Variants in SNX32 observed in about 807,000 individuals in gnomAD.
SNX32 encodes the protein sorting nexin 32.
A neutral mutation model predicts 57.0 loss-of-function variants in SNX32; 58 were observed. That is an observed-to-expected ratio of 1.02 (90% confidence interval 0.82 to 1.27). The LOEUF (loss-of-function observed/expected upper bound fraction) is 1.27. Ranked by LOEUF, SNX32 falls within the 50% of genes most tolerant of loss-of-function variation. The pLI, the probability that SNX32 is intolerant of heterozygous loss-of-function variation, is 0.00. For missense variants in SNX32, 589 were observed against 541.2 expected (o/e 1.09, Z -0.88); for synonymous variants, 262 against 220.4 (o/e 1.19, Z -1.67).
At chr11:65,840,295 C>A (rs1445485662) in intron 1 of SNX32, among the ~76,000 whole-genome samples, 1 of 151,768 alleles carries the variant, frequency 6.6e-6, no homozygotes, top group Non-Finnish European at 1.5e-5. Flanking sequence ...ATTAAGATAC[C>A]CTTGATTAAA....
chr11:65,844,497 C>A (rs187079014), intron 1 of SNX32, among the ~76,000 whole-genome samples: 13 of 151,814 alleles, frequency 8.6e-5, no homozygotes. Context: ...GACTCTGTGG[C>A]AAAGATGTAG....
At chr11:65,841,322 G>A (rs1279097419) in intron 1 of SNX32, among the ~76,000 whole-genome samples, 2 of 150,180 alleles carry the variant, frequency 1.3e-5, no homozygotes, top group African/African-American at 4.9e-5. Context: ...CAGCAGCCTC[G>A]ACCTTCTGGG....
chr11:65,851,069 C>A lies in SNX32; in HGVS notation c.618C>A (p.Phe206Leu). 1 of 1,614,116 alleles carries A rather than the reference C, an allele frequency of 6.2e-7. No individual in the cohort carries two copies. The highest frequency in any genetic ancestry group is 8.5e-7 in the Non-Finnish European group (1 of 1,179,972). Reference sequence around the variant, plus strand: ...GGCTCCCTTAGGAGGTGGATGACTTCTTTGAGCATGAGAGGACCTTCCTGT... The same window carrying A: ...GGCTCCCTTAGGAGGTGGATGACTTATTTGAGCATGAGAGGACCTTCCTGT... ...GMSGLKEVDDFFEHERTFLLE... is the reference protein window; with the variant it reads ...GMSGLKEVDDLFEHERTFLLE... The change falls in exon 7 of 13, where the codon TTC (phenylalanine) becomes TTA (leucine). Residue 206 changes from phenylalanine to leucine, a missense_variant. Coordinates refer to ENST00000308342, the MANE Select transcript of SNX32 (RefSeq NM_152760.3).
At chr11:65,843,293 G>T (rs911461422) in intron 1 of SNX32, among the ~76,000 whole-genome samples, 2 of 151,088 alleles carry the variant, frequency 1.3e-5, no homozygotes, top group East Asian at 3.9e-4. Flanking sequence ...TCATAGCCAG[G>T]TAGGGTGGCT....
chr11:65,839,246 T>TTTTTTTTTTTTTTTTTTTTTGTGGG, intron 1 of SNX32, among the ~76,000 whole-genome samples: 1 of 82,806 alleles, frequency 1.2e-5, no homozygotes, highest in South Asian at 5.2e-4. Context: ...TTTTTTTTTT[T>TTTTTTTTTTTTTTTTTTTTTGTGGG]TGAGACGGAG....
At chr11:65,834,942 C>G (rs36124259) in intron 1 of SNX32, among the ~76,000 whole-genome samples, 16,878 of 148,702 alleles carry the variant, frequency 0.11, 1,079 homozygotes, top group Non-Finnish European at 0.15. Context: ...GTGTGTGCAT[C>G]TGTGTGTGTC....
At chr11:65,836,897 G>A (rs1438480480) in intron 1 of SNX32, among the ~76,000 whole-genome samples, 1 of 151,790 alleles carries the variant, frequency 6.6e-6, no homozygotes, top group Non-Finnish European at 1.5e-5. Flanking sequence ...TGTGGCCTGT[G>A]GGGGGCTGGG....
intron 2 of SNX32, 127 bp downstream of exon 2, chr11:65,849,709 C>A: frequency 2.2e-6 from 2 of 903,900 alleles, no homozygotes; most frequent in Non-Finnish European, 3.5e-6. Flanking sequence ...TTGCCCTCAG[C>A]CCCTCCTGGA....
chr11:65,839,659 T>TA (rs970325540), intron 1 of SNX32, among the ~76,000 whole-genome samples: 15 of 145,710 alleles, frequency 1.0e-4, no homozygotes, highest in African/African-American at 3.3e-4. Context: ...AATAAGTAAC[T>TA]AAAAAAATTT....
At chr11:65,850,302 C>G (rs1489415233) in intron 4 of SNX32, 31 bp downstream of exon 4, 7 of 1,613,936 alleles carry the variant, frequency 4.3e-6, no homozygotes, top group Non-Finnish European at 5.1e-6. Context: ...CTGCCATCCC[C>G]AGAGTCCAGA....
In SNX32 at chr11:65,849,999, A is replaced by C; in HGVS notation, c.221A>C (p.Tyr74Ser). 6.2e-7 allele frequency: 1 copy of C among 1,613,726 alleles called. No individual in the cohort carries two copies. The highest frequency in any genetic ancestry group is 8.5e-7 in the Non-Finnish European group (1 of 1,179,684). Residue 74 changes from tyrosine (Y) to serine (S), a missense_variant, in exon 3 of 13, where the codon TAC becomes TCC. Transcript: ENST00000308342. ...HEEFIWLHDA[Y>S]VENEEYAGLI... ...GAGTTCATCTGGCTGCATGATGCCTACGTGGAGAATGAGGAGTACGCCGGC... is the reference window on the plus strand; with the variant it reads ...GAGTTCATCTGGCTGCATGATGCCTCCGTGGAGAATGAGGAGTACGCCGGC...
chr11:65,844,426 C>A (rs1268778750), intron 1 of SNX32, among the ~76,000 whole-genome samples: 2 of 121,314 alleles, frequency 1.6e-5, no homozygotes, highest in Non-Finnish European at 4.0e-5. Context: ...ATTAGCAGGA[C>A]CCCTTTTCTT....
chr11:65,852,684 G>A lies in SNX32; in HGVS notation c.967G>A (p.Ala323Thr), dbSNP rs760703986. Residue 323 changes from alanine (A) to threonine (T), a missense_variant, in exon 11 of 13, where the codon GCG (alanine) becomes ACG (threonine). Ala to Thr is a moderately conservative substitution (Grantham distance 58). Transcript: ENST00000308342. ...GGCCGACTACGAGAATGCCAACAAGGCGCTGGACAAGGCGCGCACCAGGAA... is the reference window on the plus strand; with the variant it reads ...GGCCGACTACGAGAATGCCAACAAGACGCTGGACAAGGCGCGCACCAGGAA... Reference protein sequence around the residue: ...ALADYENANKALDKARTRNRE... With the variant: ...ALADYENANKTLDKARTRNRE... 1.0e-4 allele frequency: 166 copies of A among 1,597,394 alleles called. 4 individuals carry two copies. Among genetic ancestry groups the A allele is most frequent in the South Asian group, 7.3e-4 (66 of 90,022 alleles).
chr11:65,839,223 GTATTT>G lies in SNX32; in HGVS notation c.36+5124_36+5128del, dbSNP rs1335394554. Among the ~76,000 whole-genome samples, 4 of 23,068 alleles carry G rather than the reference GTATTT, an allele frequency of 1.7e-4. 1 individual carries two copies. The highest frequency in any genetic ancestry group is 7.6e-4 in the Admixed American group (1 of 1,312). 15.1% of individuals were successfully genotyped at this position (23,068 alleles called of 152,430 possible). ...CCCACCACGCCCAGCTAATTTTTTT[GTATTT>G]TTTTTTTTTTTTTTTTTTTGAGACG... On this transcript the variant is annotated intron_variant, in intron 1 of 12. Transcript: ENST00000308342.
At chr11:65,842,213 G>T (rs1347092551) in intron 1 of SNX32, among the ~76,000 whole-genome samples, 1 of 152,154 alleles carries the variant, frequency 6.6e-6, no homozygotes, top group Non-Finnish European at 1.5e-5. Flanking sequence ...TCCAAAATTT[G>T]TCACTCTTAA....
intron 9 of SNX32, among the ~76,000 whole-genome samples, chr11:65,851,995 A>G (rs1195161914): frequency 6.6e-6 from 1 of 151,956 alleles, no homozygotes; most frequent in Non-Finnish European, 1.5e-5. Flanking sequence ...CCGGGCACAC[A>G]TGTTCCCCAC....
At chr11:65,835,924 G>A (rs1159314024) in intron 1 of SNX32, among the ~76,000 whole-genome samples, 1 of 152,154 alleles carries the variant, frequency 6.6e-6, no homozygotes, top group East Asian at 1.9e-4. Context: ...CATCTTCATG[G>A]TTAAAGGAGT....
intron 1 of SNX32, among the ~76,000 whole-genome samples, chr11:65,840,276 T>C (rs908634265): frequency 5.3e-5 from 8 of 152,192 alleles, no homozygotes; most frequent in Admixed American, 6.6e-5. Flanking sequence ...GGGAGCTCCA[T>C]TAAGCTTCAT....
intron 8 of SNX32, 40 bp downstream of exon 8, chr11:65,851,443 TA>T: frequency 2.5e-6 from 4 of 1,605,054 alleles, no homozygotes; most frequent in South Asian, 2.2e-5. Flanking sequence ...CCTGTGCCTG[TA>T]ATACCATGTC....
Sources: gnomAD v4.1 joint callset for allele counts (sites outside exome capture counted in the v4.1 genomes callset) on GRCh38, gnomAD v4.1.1 for gene constraint, MANE v1.5 for transcripts, NCBI Gene and HGNC (gene_info 2026-07-23, HGNC 2026-07-21) for gene names.